TUB: variants seen among roughly 807,000 people sequenced by gnomAD.
TUB encodes the protein tubby protein homolog.
Under a neutral mutation model 59.7 loss-of-function variants are expected in TUB, and 33 were observed. The ratio of observed to expected loss-of-function variants is 0.55; its 90% confidence interval spans 0.42 to 0.74. The LOEUF (loss-of-function observed/expected upper bound fraction) is 0.74, where lower values mean the gene tolerates loss of function less well. Among genes scored for constraint, TUB ranks in the 30% least tolerant of loss-of-function variants. The pLI is 0.00. For synonymous variants in TUB, 293 were observed against 256.4 expected (o/e 1.14, Z -1.36); for missense variants, 659 against 672.0 (o/e 0.98, Z 0.21).
At chr11:8,042,370 T>G (rs1942765985) in intron 2 of TUB, among the ~76,000 whole-genome samples, 2 of 152,244 alleles carry the variant, frequency 1.3e-5, no homozygotes, top group South Asian at 4.1e-4. Flanking sequence ...TCTTTATCTA[T>G]TCATCAATTG....
chr11:8,071,364 G>C (rs927929834), intron 2 of TUB, among the ~76,000 whole-genome samples: 1 of 152,128 alleles, frequency 6.6e-6, no homozygotes, highest in Non-Finnish European at 1.5e-5. Flanking sequence ...TGATGATGGA[G>C]CTCTAGTGAT....
intron 2 of TUB, among the ~76,000 whole-genome samples, chr11:8,056,646 G>T (rs1213797667): frequency 6.6e-6 from 1 of 152,082 alleles, no homozygotes; most frequent in African/African-American, 2.4e-5. Context: ...TGTGGTTTGG[G>T]TATGCAGGTA....
chr11:8,095,421 C>T, intron 4 of TUB, 77 bp from the exon 5 acceptor site: 2 of 1,467,552 alleles, frequency 1.4e-6, no homozygotes, highest in Non-Finnish European at 1.8e-6. Context: ...TTCCCTCATC[C>T]CCTTCATGGA....
chr11:8,046,215 G>A (rs1044898437), intron 2 of TUB, among the ~76,000 whole-genome samples: 3 of 152,060 alleles, frequency 2.0e-5, no homozygotes, highest in African/African-American at 7.2e-5. Flanking sequence ...CTTTCCTCAG[G>A]ATCATTGCCT....
Position 8,104,809 on chromosome 11 carries a change from G to C in TUB, c.*3190G>C, listed in dbSNP as rs954244923. 1.3e-5 allele frequency: 2 copies of C among 152,106 alleles called. No homozygotes were observed. The highest frequency in any genetic ancestry group is 2.4e-5 in the African/African-American group (1 of 41,440). The allele number at this position is 152,106 out of a possible 1,614,324, so 9.4% of individuals were successfully genotyped here. On this transcript the variant is annotated 3_prime_UTR_variant, in exon 12 of 12. Coordinates refer to ENST00000299506, the MANE Select transcript of TUB (RefSeq NM_177972.3). ...GTTCAGAGGAAGCACATAATGTCCAGATCTATGGCGAACACAGGTGTTGGA... is the reference window on the plus strand; with the variant it reads ...GTTCAGAGGAAGCACATAATGTCCACATCTATGGCGAACACAGGTGTTGGA...
exon 1 of TUB, chr11:8,038,955 T>C (rs372483969): frequency 6.2e-7 from 1 of 1,613,956 alleles, no homozygotes; most frequent in African/African-American, 1.3e-5. Context: ...AGGCACTCCC[T>C]GGCCCATGGG....
At chr11:8,022,639 C>T (rs143753472) in intron 1 of TUB, among the ~76,000 whole-genome samples, 2,725 of 152,252 alleles carry the variant, frequency 0.018, 84 homozygotes, top group African/African-American at 0.062. Context: ...CCTGTAATCC[C>T]AGCACTTTAT....
In TUB at chr11:8,090,051, A is replaced by T; in HGVS notation, c.91-18A>T. 1 of 1,580,134 alleles carries T rather than the reference A, an allele frequency of 6.3e-7. No homozygotes were observed. Among genetic ancestry groups the T allele is most frequent in the Non-Finnish European group, 8.6e-7 (1 of 1,162,670 alleles). On this transcript the variant is annotated intron_variant, in intron 2 of 11. Transcript: ENST00000299506. ...CCTGGTGGAGGCAGTGGGTCAGCCA[A>T]CCTCTGTGCCTCCATAGCGGGCCCT...
At position 8,032,059 on chromosome 11, in the gene TUB, G is replaced by GAGC. The variant is rs545640497; in HGVS notation, c.56+12705_56+12707dup. ...AGAGACCCCCTGGGGTAAGGAAGGG[G>GAGC]AGCAGCCGCGACTGCACAGAGCCTC... On this transcript the variant is annotated intron_variant, in intron 1 of 11. Transcript: ENST00000534099. 1.8e-4 allele frequency among the ~76,000 whole-genome samples: 27 copies of GAGC among 152,184 alleles called. No homozygotes were observed. In the South Asian group the frequency reaches 5.2e-3, roughly 29 times the overall value.
chr11:8,042,141 C>T (rs1290265496), intron 2 of TUB, among the ~76,000 whole-genome samples: 2 of 151,546 alleles, frequency 1.3e-5, no homozygotes, highest in African/African-American at 2.4e-5. Context: ...TTTTCCTACA[C>T]CCCCCAGCCT....
intron 1 of TUB, among the ~76,000 whole-genome samples, chr11:8,027,575 C>T (rs58047113): frequency 0.023 from 3,455 of 152,146 alleles, 130 homozygotes; most frequent in African/African-American, 0.077. Flanking sequence ...AGGGCAGTGG[C>T]GCGACCTCAG....
At chr11:8,096,546 G>T in intron 5 of TUB, 139 bp from the exon 6 acceptor site, 1 of 698,780 alleles carries the variant, frequency 1.4e-6, no homozygotes. Flanking sequence ...TATATGTGTA[G>T]ATATGGCTAA....
At chr11:8,071,995 C>T (rs1943368080) in intron 2 of TUB, among the ~76,000 whole-genome samples, 1 of 152,216 alleles carries the variant, frequency 6.6e-6, no homozygotes, top group African/African-American at 2.4e-5. Context: ...AGCCCCCATC[C>T]TCAGAGCTCC....
intron 1 of TUB, chr11:8,039,107 A>G (rs17847547): frequency 0.35 from 536,505 of 1,530,498 alleles, 97,835 homozygotes; most frequent in East Asian, 0.57. Flanking sequence ...CACTGACCTC[A>G]ACCCTTTACA....
intron 2 of TUB, among the ~76,000 whole-genome samples, chr11:8,055,196 G>A (rs1482948533): frequency 6.6e-6 from 1 of 152,214 alleles, no homozygotes; most frequent in African/African-American, 2.4e-5. Flanking sequence ...AGCCTGGTGG[G>A]ATCAGTCTGG....
chr11:8,090,310 A>G (rs1442361450), intron 3 of TUB, 79 bp downstream of exon 3: 2 of 1,538,322 alleles, frequency 1.3e-6, no homozygotes, highest in East Asian at 2.3e-5. Context: ...GCAGGTGCGG[A>G]CTGGTCCTGA....
upstream of TUB, among the ~76,000 whole-genome samples, chr11:8,037,909 G>C (rs536928526): frequency 2.0e-5 from 3 of 152,290 alleles, no homozygotes; most frequent in South Asian, 2.1e-4. Flanking sequence ...AGATGCCCAT[G>C]ATGATGCCAA....
intron 2 of TUB, among the ~76,000 whole-genome samples, chr11:8,055,986 G>C (rs1043972779): frequency 3.9e-5 from 6 of 152,220 alleles, no homozygotes; most frequent in Non-Finnish European, 7.3e-5. Flanking sequence ...CTCTCACAGG[G>C]CATGGGAGGA....
upstream of TUB, chr11:8,077,495 T>C (rs1049140207): frequency 2.0e-5 from 3 of 151,576 alleles, no homozygotes; most frequent in Non-Finnish European, 4.4e-5. Flanking sequence ...TCATCCTCTG[T>C]CTGTATGGCC....
Sources: allele counts gnomAD v4.1 joint callset (sites outside exome capture counted in the v4.1 genomes callset), GRCh38; gene constraint gnomAD v4.1.1; transcripts MANE v1.5; gene names NCBI Gene and HGNC (gene_info 2026-07-23, HGNC 2026-07-21).